Variants in PREX1 observed in about 807,000 individuals in gnomAD.
PREX1 encodes phosphatidylinositol 3,4,5-trisphosphate-dependent Rac exchanger 1 protein.
Under a neutral mutation model 198.3 loss-of-function variants are expected in PREX1, and 41 were observed. That is an observed-to-expected ratio of 0.21 (90% CI 0.16 to 0.27). The LOEUF (loss-of-function observed/expected upper bound fraction) is 0.27. Among genes scored for constraint, PREX1 ranks in the 10% least tolerant of loss-of-function variants. PREX1 has a pLI of 1.00. For synonymous variants in PREX1, 843 were observed against 887.2 expected (o/e 0.95, Z 0.89); for missense variants, 1,620 against 2,200.7 (o/e 0.74, Z 5.28).
the PREX1 span, among the ~76,000 whole-genome samples, chr20:48,868,013 C>T: frequency 6.6e-6 from 1 of 152,008 alleles, no homozygotes; most frequent in Non-Finnish European, 1.5e-5. Context: ...CACTCATTAA[C>T]CTGTTTGAAG....
At chr20:48,646,513 G>A (rs982183101) in intron 25 of PREX1, among the ~76,000 whole-genome samples, 5 of 152,006 alleles carry the variant, frequency 3.3e-5, no homozygotes, top group Non-Finnish European at 7.4e-5. Flanking sequence ...CCAACATGGC[G>A]AAACCCTGTC....
intron 17 of PREX1, among the ~76,000 whole-genome samples, chr20:48,657,640 T>C (rs112273809): frequency 6.6e-5 from 10 of 152,186 alleles, no homozygotes; most frequent in African/African-American, 2.2e-4. Context: ...CCCAAAGCAT[T>C]CCTAATTGCC....
At position 48,812,903 on chromosome 20, in the gene PREX1, C is replaced by T. The variant is rs376130107; in HGVS notation, c.219+14739G>A. Among the ~76,000 whole-genome samples, 13 of 152,340 alleles carry T rather than the reference C, an allele frequency of 8.5e-5. No individual in the cohort carries two copies. In the East Asian group the frequency reaches 2.5e-3, roughly 29 times the overall value. On this transcript the variant is annotated intron_variant, in intron 1 of 39. Transcript: ENST00000371941. ...CCTGCTGTCGTGTACCAGGCTCAGA[C>T]CAAATGCAAGGAACAAAGAGGAAAT... is the stretch of plus-strand genomic sequence containing the variant.
At chr20:48,698,000 G>C (rs1403576688) in intron 7 of PREX1, among the ~76,000 whole-genome samples, 1 of 152,164 alleles carries the variant, frequency 6.6e-6, no homozygotes, top group Non-Finnish European at 1.5e-5. Context: ...ACCCACATCA[G>C]ACTCAGGTGG....
chr20:48,791,840 C>T (rs1185658176), intron 1 of PREX1, among the ~76,000 whole-genome samples: 3 of 152,172 alleles, frequency 2.0e-5, no homozygotes, highest in Non-Finnish European at 2.9e-5. Flanking sequence ...TTTTAAAAAT[C>T]GAGTGATTTC....
chr20:48,806,445 T>C (rs1313553144), intron 1 of PREX1, among the ~76,000 whole-genome samples: 1 of 152,224 alleles, frequency 6.6e-6, no homozygotes, highest in East Asian at 1.9e-4. Flanking sequence ...TGTTCTAAAC[T>C]CTAGACTTGG....
At position 48,651,028 on chromosome 20, in the gene PREX1, T is replaced by C; in HGVS notation, c.2683A>G (p.Ser895Gly). 6.2e-7 allele frequency: 1 copy of C among 1,614,134 alleles called. No individual in the cohort carries two copies. Among genetic ancestry groups the C allele is most frequent in the Non-Finnish European group, 8.5e-7 (1 of 1,180,020 alleles). The part of the protein sequence containing the change: ...KILEAFAAND[S>G]VFVENCRRLM... ...CGCCTGCAGTTCTCCACGAAGACGC[T>C]GTCATTGGCAGCAAAGGCCTCGAGG... The change falls in exon 23 of 40, where the codon AGC (serine) becomes GGC (glycine). Residue 895 changes from serine to glycine, a missense_variant. Coordinates refer to ENST00000371941, the MANE Select transcript of PREX1 (RefSeq NM_020820.4).
Position 48,649,422 on chromosome 20 carries a change from G to T in PREX1, c.3183C>A (p.Asp1061Glu). 3 of 1,614,166 alleles carry T rather than the reference G, an allele frequency of 1.9e-6. No homozygotes were observed. Among genetic ancestry groups the T allele is most frequent in the Non-Finnish European group, 2.5e-6 (3 of 1,180,020 alleles). The change falls in exon 25 of 40, where the codon GAC becomes GAA. Residue 1061 changes from aspartate to glutamate, a missense_variant. Asp to Glu is a conservative substitution (Grantham distance 45, BLOSUM62 2). This residue lies in a region of PREX1 where 514 missense variants were observed against 611.6 expected (regional missense o/e 0.84). Transcript: ENST00000371941. The part of the protein sequence containing the change: ...GPASGTLGQE[D>E]RGLSFLLKQE... ...GCTTGAGTAGGAAGCTGAGGCCCCG[G>T]TCTTCCTGACCAAGGGTCCCACTGG...
At chr20:48,670,201 T>C (rs2089666287) in intron 14 of PREX1, among the ~76,000 whole-genome samples, 2 of 152,130 alleles carry the variant, frequency 1.3e-5, no homozygotes, top group African/African-American at 4.8e-5. Flanking sequence ...TGCCTAGGGT[T>C]GCAGCCAAGT....
chr20:48,886,709 TCTTAG>T, the PREX1 span, among the ~76,000 whole-genome samples: 1 of 152,252 alleles, frequency 6.6e-6, no homozygotes, highest in Non-Finnish European at 1.5e-5. Context: ...TCTGCACTCT[TCTTAG>T]CTTTTACAAA....
the PREX1 span, among the ~76,000 whole-genome samples, chr20:48,859,197 G>C: frequency 6.6e-6 from 1 of 152,096 alleles, no homozygotes; most frequent in Admixed American, 6.6e-5. Flanking sequence ...CACAGCACTT[G>C]GGCCAGTACT....
intron 1 of PREX1, among the ~76,000 whole-genome samples, chr20:48,820,672 A>G (rs2090480407): frequency 6.6e-6 from 1 of 152,192 alleles, no homozygotes; most frequent in Non-Finnish European, 1.5e-5. Flanking sequence ...TCTAGTGGAT[A>G]CCTGGAATAT....
intron 1 of PREX1, among the ~76,000 whole-genome samples, chr20:48,791,732 G>A (rs2090339722): frequency 6.6e-6 from 1 of 152,190 alleles, no homozygotes; most frequent in Non-Finnish European, 1.5e-5. Context: ...GTCAACCCGG[G>A]GGCAGAGTAT....
At chr20:48,885,193 G>A in the PREX1 span, among the ~76,000 whole-genome samples, 1 of 152,174 alleles carries the variant, frequency 6.6e-6, no homozygotes, top group Admixed American at 6.5e-5. Context: ...CATCACTATA[G>A]GTCATTTGGA....
At chr20:48,716,814 G>A (rs982993175) in intron 5 of PREX1, among the ~76,000 whole-genome samples, 1 of 152,130 alleles carries the variant, frequency 6.6e-6, no homozygotes. Flanking sequence ...CTCCCTGGGT[G>A]GGTACACTGG....
intron 1 of PREX1, among the ~76,000 whole-genome samples, chr20:48,808,407 G>C (rs2090421398): frequency 6.6e-6 from 1 of 152,182 alleles, no homozygotes; most frequent in Non-Finnish European, 1.5e-5. Context: ...AAGCAGCCAG[G>C]ACTCGAGGTC....
chr20:48,817,185 T>A (rs1022493167), intron 1 of PREX1, among the ~76,000 whole-genome samples: 1 of 152,208 alleles, frequency 6.6e-6, no homozygotes, highest in Non-Finnish European at 1.5e-5. Flanking sequence ...AATCTGTTTT[T>A]TCAATCTTCG....
intron 7 of PREX1, among the ~76,000 whole-genome samples, chr20:48,698,152 C>A (rs1436094660): frequency 6.6e-6 from 1 of 152,218 alleles, no homozygotes; most frequent in East Asian, 1.9e-4. Context: ...CAGCCCAGCT[C>A]ACTTGTGGAA....
At chr20:48,767,588 C>T (rs914914085) in intron 1 of PREX1, among the ~76,000 whole-genome samples, 4 of 152,124 alleles carry the variant, frequency 2.6e-5, no homozygotes, top group East Asian at 1.9e-4. Flanking sequence ...CCAACGCTTA[C>T]GTTACCATCA....
Sources: gnomAD v4.1 joint callset for allele counts (sites outside exome capture counted in the v4.1 genomes callset) on GRCh38, gnomAD v4.1.1 for gene constraint, gnomAD v4.1.1 regional missense constraint, MANE v1.5 for transcripts, NCBI Gene and HGNC (gene_info 2026-07-23, HGNC 2026-07-21) for gene names.